The following TAFA2 variants were observed in gnomAD, a reference collection of about 807,000 sequenced individuals.
TAFA2 encodes TAFA chemokine like family member 2.
A neutral mutation model predicts 18.8 loss-of-function variants in TAFA2; 7 were observed. The ratio of observed to expected loss-of-function variants is 0.37; its 90% confidence interval spans 0.21 to 0.70. The LOEUF (loss-of-function observed/expected upper bound fraction) is 0.70. Ranked by LOEUF, TAFA2 falls within the 30% of genes least tolerant of loss-of-function variation. The pLI is 0.53. For missense variants in TAFA2, 122 were observed against 158.1 expected (o/e 0.77, Z 1.23); for synonymous variants, 60 against 54.2 (o/e 1.11, Z -0.47).
intron 1 of TAFA2, among the ~76,000 whole-genome samples, chr12:62,131,664 A>G (rs747424504): frequency 9.9e-5 from 15 of 152,022 alleles, no homozygotes; most frequent in Non-Finnish European, 1.8e-4. Context: ...CAAAGTGTTC[A>G]CTTGAGTGTA....
At chr12:62,210,682 G>C (rs1333388033) in intron 1 of TAFA2, among the ~76,000 whole-genome samples, 1 of 152,112 alleles carries the variant, frequency 6.6e-6, no homozygotes, top group East Asian at 1.9e-4. Context: ...ACAGAGAGAA[G>C]TACATGAAAA....
At chr12:62,094,722 A>G (rs1433092411) in intron 1 of TAFA2, among the ~76,000 whole-genome samples, 2 of 151,450 alleles carry the variant, frequency 1.3e-5, no homozygotes, top group Non-Finnish European at 2.9e-5. Context: ...TGTAAGATAC[A>G]TTCTATTACT....
chr12:61,721,629 C>T (rs901658647), intron 4 of TAFA2, among the ~76,000 whole-genome samples: 1 of 152,138 alleles, frequency 6.6e-6, no homozygotes, highest in South Asian at 2.1e-4. Context: ...TCAGTTGTAA[C>T]TTATGATATT....
chr12:61,916,395 T>A (rs933212420), intron 1 of TAFA2, among the ~76,000 whole-genome samples: 1 of 152,166 alleles, frequency 6.6e-6, no homozygotes, highest in Non-Finnish European at 1.5e-5. Context: ...ATTGTGAGGA[T>A]CAAATGTGAC....
intron 1 of TAFA2, among the ~76,000 whole-genome samples, chr12:62,177,289 C>T (rs2136947392): frequency 6.6e-6 from 1 of 152,326 alleles, no homozygotes; most frequent in East Asian, 1.9e-4. Context: ...GCTCTCTCTT[C>T]CTGCCACCAC....
chr12:62,091,076 C>G (rs1868690816), intron 1 of TAFA2, among the ~76,000 whole-genome samples: 1 of 151,986 alleles, frequency 6.6e-6, no homozygotes, highest in Non-Finnish European at 1.5e-5. Flanking sequence ...TCATATGTAG[C>G]AAGCATTTTG....
At chr12:61,991,650 C>A (rs973277765) in intron 1 of TAFA2, among the ~76,000 whole-genome samples, 1 of 152,034 alleles carries the variant, frequency 6.6e-6, no homozygotes, top group Non-Finnish European at 1.5e-5. Flanking sequence ...TTTAAAAAAA[C>A]TTTTTTGATC....
intron 1 of TAFA2, among the ~76,000 whole-genome samples, chr12:62,178,421 T>C (rs2062529491): frequency 6.6e-6 from 1 of 152,216 alleles, no homozygotes; most frequent in Non-Finnish European, 1.5e-5. Context: ...AGACATAAAC[T>C]AGGAAACAAA....
intron 1 of TAFA2, among the ~76,000 whole-genome samples, chr12:62,063,898 A>T (rs1341104412): frequency 6.6e-6 from 1 of 151,942 alleles, no homozygotes; most frequent in Non-Finnish European, 1.5e-5. Context: ...ATACACACAC[A>T]CAAAATAGAT....
intron 1 of TAFA2, among the ~76,000 whole-genome samples, chr12:61,938,979 G>T (rs987501757): frequency 6.6e-6 from 1 of 151,750 alleles, no homozygotes; most frequent in Non-Finnish European, 1.5e-5. Flanking sequence ...CTACTCAGGT[G>T]GCGGGTGCAC....
intron 1 of TAFA2, among the ~76,000 whole-genome samples, chr12:62,247,205 GCTTGT>G (rs772731237): frequency 3.1e-4 from 47 of 151,966 alleles, no homozygotes; most frequent in Middle Eastern, 3.4e-3. Context: ...TTTTTAACAT[GCTTGT>G]CTTAAGATCT....
chr12:62,139,515 T>C (rs943808044), intron 1 of TAFA2, among the ~76,000 whole-genome samples: 1 of 152,150 alleles, frequency 6.6e-6, no homozygotes, highest in African/African-American at 2.4e-5. Context: ...ATTAATCTAA[T>C]ATAAAATCAA....
chr12:61,942,288 C>G (rs369534485), intron 1 of TAFA2, among the ~76,000 whole-genome samples: 11,002 of 144,598 alleles, frequency 0.076, 381 homozygotes, highest in Non-Finnish European at 0.098. Context: ...ACATCCACAC[C>G]GAAAACCCAT....
In TAFA2 at chr12:61,891,647, C is replaced by CA. The variant is rs1402554722; in HGVS notation, c.-1-24222dup. ...TGGGCAACAAGAGCAAAAACTCTGTCAAAAAAAGAAAAGAAAAGAAAAAAG... is the reference window on the plus strand; with the variant it reads ...TGGGCAACAAGAGCAAAAACTCTGTCAAAAAAAAGAAAAGAAAAGAAAAAAG... On this transcript the variant is annotated intron_variant, in intron 1 of 4. Transcript: ENST00000416284. Among the ~76,000 whole-genome samples, 6 of 149,504 alleles carry CA rather than the reference C, an allele frequency of 4.0e-5. No homozygotes were observed. The East Asian group carries it at 5.9e-4, about 15-fold the overall frequency.
chr12:62,071,817 G>A (rs560418937), intron 1 of TAFA2, among the ~76,000 whole-genome samples: 18 of 152,276 alleles, frequency 1.2e-4, no homozygotes, highest in African/African-American at 4.3e-4. Flanking sequence ...GTGGATGATA[G>A]TGTCATCCTG....
chr12:62,205,952 C>G (rs1409678969), intron 1 of TAFA2, among the ~76,000 whole-genome samples: 1 of 152,180 alleles, frequency 6.6e-6, no homozygotes, highest in Non-Finnish European at 1.5e-5. Flanking sequence ...CTCACTGACT[C>G]CCTTGGTTGG....
At chr12:62,142,511 A>G (rs984842262) in intron 1 of TAFA2, among the ~76,000 whole-genome samples, 1 of 152,144 alleles carries the variant, frequency 6.6e-6, no homozygotes, top group African/African-American at 2.4e-5. Flanking sequence ...CCTAACTAAA[A>G]ACATACTACC....
intron 1 of TAFA2, chr12:61,879,689 T>C (rs1875031275): frequency 1.8e-6 from 2 of 1,090,844 alleles, no homozygotes; most frequent in Middle Eastern, 2.1e-4. Flanking sequence ...GGAGGCCAAG[T>C]GGAGCCTCCT....
chr12:61,852,160 C>G (rs1435050581), intron 2 of TAFA2, among the ~76,000 whole-genome samples: 1 of 147,408 alleles, frequency 6.8e-6, no homozygotes, highest in African/African-American at 2.5e-5. Flanking sequence ...GAGCTGAGGT[C>G]GTGCCATTGC....
Sources: allele counts gnomAD v4.1 joint callset (sites outside exome capture counted in the v4.1 genomes callset), GRCh38; gene constraint gnomAD v4.1.1; transcripts MANE v1.5; gene names NCBI Gene and HGNC (gene_info 2026-07-23, HGNC 2026-07-21).